PRKCE: variants seen among roughly 807,000 people sequenced by gnomAD.
PRKCE encodes the protein protein kinase C epsilon.
PRKCE carries 16 observed loss-of-function variants against 85.4 expected under a neutral mutation model. The ratio of observed to expected loss-of-function variants is 0.19; its 90% CI spans 0.13 to 0.28. The LOEUF is 0.28. Among genes scored for constraint, PRKCE ranks in the 10% least tolerant of loss-of-function variants. PRKCE has a pLI of 1.00. For synonymous variants in PRKCE, 388 were observed against 371.5 expected, an observed-to-expected ratio of 1.04 and a Z score of -0.51; for missense variants, 573 against 975.2, an observed-to-expected ratio of 0.59 and a Z score of 5.49.
intron 10 of PRKCE, among the ~76,000 whole-genome samples, chr2:46,023,763 C>G (rs550504042): frequency 6.6e-6 from 1 of 152,142 alleles, no homozygotes; most frequent in Non-Finnish European, 1.5e-5. Context: ...CTGTGCCCCC[C>G]ACTGCCTGTG....
At chr2:45,994,235 G>A (rs1704043265) in intron 6 of PRKCE, among the ~76,000 whole-genome samples, 1 of 152,108 alleles carries the variant, frequency 6.6e-6, no homozygotes, top group Non-Finnish European at 1.5e-5. Context: ...CTCACCATCA[G>A]CATTCTGCAA....
rs143213819 is a variant in PRKCE, at chr2:46,167,521, G to C, written c.2067+7769G>C. On this transcript the variant is annotated intron_variant, in intron 14 of 14. Transcript: ENST00000306156. ...GATGGCACCATCTAGCAAGGCACCAGCCATTACAGGGCAGAAAGCATCTGA... is the reference window on the plus strand; with the variant it reads ...GATGGCACCATCTAGCAAGGCACCACCCATTACAGGGCAGAAAGCATCTGA... 8.1e-4 allele frequency among the ~76,000 whole-genome samples: 124 copies of C among 152,272 alleles called. 1 individual carries two copies. The highest frequency in any genetic ancestry group is 2.6e-3 in the African/African-American group (106 of 41,558).
chr2:46,003,168 G>T (rs1471888757), intron 7 of PRKCE, among the ~76,000 whole-genome samples: 1 of 152,224 alleles, frequency 6.6e-6, no homozygotes, highest in Non-Finnish European at 1.5e-5. Context: ...GAGAGGTTGG[G>T]AGAGGAGTGC....
At chr2:45,727,412 T>A (rs1332422023) in intron 1 of PRKCE, among the ~76,000 whole-genome samples, 1 of 152,130 alleles carries the variant, frequency 6.6e-6, no homozygotes, top group Non-Finnish European at 1.5e-5. Flanking sequence ...ATGGGAGAGA[T>A]CACTGGGGGC....
At position 45,937,095 on chromosome 2, in the gene PRKCE, C is replaced by T. The variant is rs538688296; in HGVS notation, c.413-39334C>T. On this transcript the variant is annotated intron_variant, in intron 2 of 14. Coordinates refer to ENST00000306156, the MANE Select transcript of PRKCE (RefSeq NM_005400.3). ...AAGAAGAGTGCTCCCAGGGGATGAGCAAGATGATCCCCTTTGGCTGGGAAG... is the reference window on the plus strand; with the variant it reads ...AAGAAGAGTGCTCCCAGGGGATGAGTAAGATGATCCCCTTTGGCTGGGAAG... Among the ~76,000 whole-genome samples the T allele has an allele frequency of 6.6e-5, 10 of 152,314 alleles. No individual in the cohort carries two copies. In the South Asian group the frequency reaches 2.1e-3, roughly 32 times the overall value.
intron 1 of PRKCE, among the ~76,000 whole-genome samples, chr2:45,753,069 T>C (rs764939529): frequency 6.6e-6 from 1 of 152,130 alleles, no homozygotes; most frequent in African/African-American, 2.4e-5. Flanking sequence ...GCACAGGGTG[T>C]AGGGCAGAGT....
chr2:46,017,412 T>A (rs953913260), intron 10 of PRKCE, among the ~76,000 whole-genome samples: 1 of 152,264 alleles, frequency 6.6e-6, no homozygotes, highest in Non-Finnish European at 1.5e-5. Flanking sequence ...GGCCAAATAC[T>A]ATTCTATCAT....
chr2:45,908,023 GA>G (rs547477747), intron 2 of PRKCE, among the ~76,000 whole-genome samples: 41 of 152,274 alleles, frequency 2.7e-4, no homozygotes, highest in African/African-American at 9.6e-4. Context: ...TGAGACGGGG[GA>G]AGCAGAAGAC....
chr2:46,020,166 A>G (rs1476702610), intron 10 of PRKCE, among the ~76,000 whole-genome samples: 1 of 151,900 alleles, frequency 6.6e-6, no homozygotes, highest in East Asian at 1.9e-4. Flanking sequence ...TTGGTTTTCA[A>G]ATTACATTTT....
chr2:45,654,960 C>T (rs1675310058), intron 1 of PRKCE, among the ~76,000 whole-genome samples: 1 of 152,180 alleles, frequency 6.6e-6, no homozygotes, highest in Non-Finnish European at 1.5e-5. Flanking sequence ...TCACTCCTTA[C>T]CTGGCAGGAA....
At chr2:45,968,959 G>A (rs1330050434) in intron 2 of PRKCE, among the ~76,000 whole-genome samples, 1 of 151,868 alleles carries the variant, frequency 6.6e-6, no homozygotes, top group African/African-American at 2.4e-5. Context: ...GTAAACAGAA[G>A]AAGAACTGCA....
chr2:45,887,487 C>G (rs918346721), intron 2 of PRKCE, among the ~76,000 whole-genome samples: 3 of 152,036 alleles, frequency 2.0e-5, no homozygotes, highest in Non-Finnish European at 4.4e-5. Flanking sequence ...AGACAAAGGT[C>G]TCTAGGTGGC....
intron 1 of PRKCE, among the ~76,000 whole-genome samples, chr2:45,737,907 T>A (rs1406256598): frequency 6.6e-6 from 1 of 152,114 alleles, no homozygotes; most frequent in Non-Finnish European, 1.5e-5. Flanking sequence ...TCCCCCAACC[T>A]TAGCACCCCT....
chr2:45,814,310 G>A (rs1050974115), intron 1 of PRKCE, among the ~76,000 whole-genome samples: 3 of 152,240 alleles, frequency 2.0e-5, no homozygotes. Context: ...GAGAATCTCA[G>A]ACCTGAGTAA....
intron 1 of PRKCE, among the ~76,000 whole-genome samples, chr2:45,818,985 G>T (rs753830755): frequency 3.9e-5 from 6 of 152,182 alleles, no homozygotes; most frequent in Non-Finnish European, 8.8e-5. Context: ...CTAAAAGGAG[G>T]TAGGGAGGAA....
intron 1 of PRKCE, among the ~76,000 whole-genome samples, chr2:45,727,251 A>G (rs1375032686): frequency 2.0e-5 from 3 of 152,226 alleles, no homozygotes; most frequent in African/African-American, 7.2e-5. Context: ...TTTATTTAGC[A>G]TAAACCAAAT....
chr2:45,762,007 A>T (rs1684548413), intron 1 of PRKCE, among the ~76,000 whole-genome samples: 1 of 151,848 alleles, frequency 6.6e-6, no homozygotes, highest in African/African-American at 2.4e-5. Context: ...GTCCCTCCCA[A>T]CCTGGGTTTC....
At chr2:46,027,528 T>C (rs1707206082) in intron 10 of PRKCE, among the ~76,000 whole-genome samples, 1 of 152,170 alleles carries the variant, frequency 6.6e-6, no homozygotes, top group Non-Finnish European at 1.5e-5. Context: ...AAAATGCATA[T>C]GCATATTTTA....
rs759260586 is a variant in PRKCE at position 46,004,356 on chromosome 2, C to T, written c.967-186C>T. 7.1e-5 allele frequency: 39 copies of T among 550,150 alleles called. No individual in the cohort carries two copies. The Middle Eastern group carries it at 9.7e-4, about 14-fold the overall frequency. The allele number at this position is 550,150 out of a possible 1,614,324, so 34.1% of individuals were successfully genotyped here. On this transcript the variant is annotated intron_variant, in intron 7 of 14. Coordinates refer to ENST00000306156, the MANE Select transcript of PRKCE (RefSeq NM_005400.3). This position sits in a 1 kb window ranked among gnomAD's most constrained non-coding sequence, Gnocchi z 4.1. ...TTTTGTGGTTCTTGCTCTGGTCAGA[C>T]GTCACAGAGGGATCGAACTTCATTT...
Sources: gnomAD v4.1 joint callset for allele counts (sites outside exome capture counted in the v4.1 genomes callset) on GRCh38, gnomAD v4.1.1 for gene constraint, Gnocchi (gnomAD v3.1) non-coding constraint, MANE v1.5 for transcripts, NCBI Gene and HGNC (gene_info 2026-07-23, HGNC 2026-07-21) for gene names.